Variants in SPATA17 observed in about 807,000 individuals in gnomAD.
SPATA17 encodes spermatogenesis associated 17.
In SPATA17, 53 loss-of-function variants were observed where a neutral mutation model predicts 62.2. That is an observed-to-expected ratio of 0.85 (90% CI 0.68 to 1.07). The LOEUF is 1.07. Among genes scored for constraint, SPATA17 ranks in the 50% least tolerant of loss-of-function variants. The pLI is 0.00. For synonymous variants in SPATA17, 146 were observed against 146.8 expected (o/e 0.99, Z 0.04); for missense variants, 466 against 425.5 (o/e 1.10, Z -0.84).
chr1:217,705,430 C>CTTTTTTTTTTTTTTTTT (rs58138326), intron 5 of SPATA17, among the ~76,000 whole-genome samples: 8 of 46,628 alleles, frequency 1.7e-4, no homozygotes, highest in African/African-American at 6.1e-4. Context: ...TTCTAGTTGT[C>CTTTTTTTTTTTTTTTTT]TTTTTTTTTT....
intron 9 of SPATA17, among the ~76,000 whole-genome samples, chr1:217,807,197 A>G (rs904438932): frequency 6.6e-6 from 1 of 151,910 alleles, no homozygotes. Flanking sequence ...GTGGGAGCTA[A>G]ACGATGAGTA....
chr1:217,852,590 C>G (rs939173261), intron 9 of SPATA17, among the ~76,000 whole-genome samples: 40 of 152,254 alleles, frequency 2.6e-4, no homozygotes, highest in African/African-American at 8.9e-4. Flanking sequence ...AGAAAAGGCA[C>G]GCTGTTTCAT....
intron 6 of SPATA17, among the ~76,000 whole-genome samples, chr1:217,771,411 A>AT (rs1461857793): frequency 6.6e-6 from 1 of 152,108 alleles, no homozygotes; most frequent in Non-Finnish European, 1.5e-5. Context: ...TCATAGTAAT[A>AT]TTTTTAAAAA....
At chr1:217,833,404 G>A (rs1571834107) in intron 9 of SPATA17, among the ~76,000 whole-genome samples, 1 of 152,120 alleles carries the variant, frequency 6.6e-6, no homozygotes, top group Admixed American at 6.6e-5. Flanking sequence ...CTCTAAGGAG[G>A]GATAGCGTTA....
intron 3 of SPATA17, among the ~76,000 whole-genome samples, chr1:217,653,662 T>C (rs1023457562): frequency 4.9e-5 from 7 of 143,380 alleles, no homozygotes; most frequent in Admixed American, 1.3e-4. Context: ...AGTGAGCCAA[T>C]GGAAGCAGAA....
chr1:217,654,242 A>T (rs973134084), intron 3 of SPATA17, among the ~76,000 whole-genome samples: 9 of 151,254 alleles, frequency 6.0e-5, no homozygotes, highest in African/African-American at 2.2e-4. Context: ...GATTCAAACG[A>T]TTCTCCTGCC....
intron 6 of SPATA17, among the ~76,000 whole-genome samples, chr1:217,768,429 C>T (rs1203996349): frequency 6.6e-6 from 1 of 151,314 alleles, no homozygotes; most frequent in African/African-American, 2.4e-5. Flanking sequence ...ACAACCATGT[C>T]TTTATTTTTT....
chr1:217,720,725 A>C (rs887179678), intron 5 of SPATA17, among the ~76,000 whole-genome samples: 1 of 152,236 alleles, frequency 6.6e-6, no homozygotes, highest in Non-Finnish European at 1.5e-5. Flanking sequence ...GTATATTATA[A>C]GAGAGAAATC....
intron 5 of SPATA17, among the ~76,000 whole-genome samples, chr1:217,703,121 C>T (rs113151987): frequency 0.011 from 1,619 of 149,850 alleles, 25 homozygotes; most frequent in African/African-American, 0.032. Flanking sequence ...GTGATACACC[C>T]GCCTCAGCCT....
intron 5 of SPATA17, among the ~76,000 whole-genome samples, chr1:217,717,750 G>A (rs925736033): frequency 2.0e-5 from 3 of 152,042 alleles, no homozygotes; most frequent in African/African-American, 7.2e-5. Context: ...AAGAATATTG[G>A]TGTGTGCTGC....
At chr1:217,722,817 G>C (rs1672169040) in intron 5 of SPATA17, among the ~76,000 whole-genome samples, 1 of 152,000 alleles carries the variant, frequency 6.6e-6, no homozygotes, top group Non-Finnish European at 1.5e-5. Context: ...TTGATCTTTG[G>C]TCTGCAAGGT....
At chr1:217,641,659 CA>C (rs1460492490) in intron 1 of SPATA17, among the ~76,000 whole-genome samples, 1 of 152,066 alleles carries the variant, frequency 6.6e-6, no homozygotes, top group Non-Finnish European at 1.5e-5. Flanking sequence ...GAAACAATCT[CA>C]AATTTACAGA....
At chr1:217,840,983 T>C (rs1158106466) in intron 9 of SPATA17, among the ~76,000 whole-genome samples, 1 of 152,032 alleles carries the variant, frequency 6.6e-6, no homozygotes, top group Non-Finnish European at 1.5e-5. Flanking sequence ...ATATCGTGCA[T>C]ATATGAACAT....
intron 2 of SPATA17, among the ~76,000 whole-genome samples, 192 bp downstream of exon 2, chr1:217,649,163 A>G (rs1004332163): frequency 1.1e-4 from 16 of 152,152 alleles, no homozygotes; most frequent in Non-Finnish European, 2.1e-4. Context: ...ACTAAATTAT[A>G]TGGACTGTAT....
intron 3 of SPATA17, among the ~76,000 whole-genome samples, chr1:217,654,763 G>A (rs1166988252): frequency 6.7e-6 from 1 of 149,446 alleles, no homozygotes; most frequent in East Asian, 2.0e-4. Context: ...GTCGTCCCAG[G>A]GTGCAAGGGT....
At chr1:217,731,086 A>C (rs1440429345) in intron 5 of SPATA17, among the ~76,000 whole-genome samples, 1 of 152,042 alleles carries the variant, frequency 6.6e-6, no homozygotes, top group Non-Finnish European at 1.5e-5. Context: ...TAATTCTCTG[A>C]TACCACTTTC....
At chr1:217,796,971 A>T (rs1196119055) in intron 8 of SPATA17, among the ~76,000 whole-genome samples, 1 of 152,188 alleles carries the variant, frequency 6.6e-6, no homozygotes. Context: ...GCCCTTTTTA[A>T]TGGGCCATAA....
intron 9 of SPATA17, among the ~76,000 whole-genome samples, chr1:217,839,314 T>A (rs560675062): frequency 6.6e-6 from 1 of 152,172 alleles, no homozygotes; most frequent in Admixed American, 6.6e-5. Context: ...AGGAAAATTG[T>A]CCCCACCAGT....
At chr1:217,633,256 G>T (rs1313463278) in intron 1 of SPATA17, among the ~76,000 whole-genome samples, 5 of 151,726 alleles carry the variant, frequency 3.3e-5, no homozygotes, top group Non-Finnish European at 5.9e-5. Flanking sequence ...AGAGTAACAT[G>T]GACAGAAAGG....
Sources: gnomAD v4.1 joint callset for allele counts (sites outside exome capture counted in the v4.1 genomes callset) on GRCh38, gnomAD v4.1.1 for gene constraint, MANE v1.5 for transcripts, NCBI Gene and HGNC (gene_info 2026-07-23, HGNC 2026-07-21) for gene names.